The following WDR72 variants were observed in gnomAD, a reference collection of about 807,000 sequenced individuals.
The protein encoded by WDR72 is WD repeat-containing protein 72.
In WDR72, 120 loss-of-function variants were observed where a neutral mutation model predicts 124.2. The observed-to-expected ratio is 0.97, with a 90% confidence interval of 0.83 to 1.12. The LOEUF is 1.12. Among genes scored for constraint, WDR72 ranks in the 50% most tolerant of loss-of-function variants. The pLI is 0.00. For synonymous variants in WDR72, 452 were observed against 441.7 expected (o/e 1.02, Z -0.29); for missense variants, 1,387 against 1,278.8 (o/e 1.08, Z -1.29).
At chr15:53,527,313 T>C (rs1261220458) in intron 18 of WDR72, among the ~76,000 whole-genome samples, 1 of 152,020 alleles carries the variant, frequency 6.6e-6, no homozygotes, top group Admixed American at 6.6e-5. Context: ...CCGTTCTTCC[T>C]TTTCTCCTCA....
rs144139137 is a variant in WDR72, at chr15:53,703,699, C to T, written c.1348+1289G>A. ...CTGTGCTAGGGGGTTACTCTTCCCA[C>T]TAACCACACTGCTTCTTCCTTCATC... On this transcript the variant is annotated intron_variant, in intron 11 of 19. Coordinates refer to ENST00000360509, the MANE Select transcript of WDR72 (RefSeq NM_182758.4). Among the ~76,000 whole-genome samples, 1,174 of 152,204 alleles carry T rather than the reference C, an allele frequency of 7.7e-3. 8 individuals carry two copies. The highest frequency in any genetic ancestry group is 0.012 in the Non-Finnish European group (833 of 68,020).
intron 14 of WDR72, among the ~76,000 whole-genome samples, chr15:53,641,258 T>A (rs987441208): frequency 1.3e-5 from 2 of 152,072 alleles, no homozygotes; most frequent in Admixed American, 6.6e-5. Flanking sequence ...AAGAGTAGGT[T>A]ATGATATGCT....
chr15:53,711,196 C>G (rs762122917), intron 8 of WDR72, 140 bp downstream of exon 8: 1 of 1,238,072 alleles, frequency 8.1e-7, no homozygotes, highest in Non-Finnish European at 1.2e-6. Flanking sequence ...CCTACCAAGC[C>G]CAGAGTAAAT....
At chr15:53,619,356 T>C (rs2013896764) in intron 14 of WDR72, among the ~76,000 whole-genome samples, 1 of 151,604 alleles carries the variant, frequency 6.6e-6, no homozygotes, top group Non-Finnish European at 1.5e-5. Flanking sequence ...TAAGAGAGGA[T>C]TTTAGTTTGT....
chr15:53,728,170 G>A (rs2018097723), intron 2 of WDR72, among the ~76,000 whole-genome samples: 1 of 152,220 alleles, frequency 6.6e-6, no homozygotes, highest in Non-Finnish European at 1.5e-5. Context: ...CATGGTGGAA[G>A]GCAAGGAGGA....
intron 14 of WDR72, among the ~76,000 whole-genome samples, chr15:53,648,506 G>T (rs2015120160): frequency 6.6e-6 from 1 of 152,108 alleles, no homozygotes; most frequent in Non-Finnish European, 1.5e-5. Context: ...AAGAGGTCAG[G>T]AAAGGTATAG....
chr15:53,581,965 A>T (rs2011951930), intron 18 of WDR72, among the ~76,000 whole-genome samples: 1 of 152,168 alleles, frequency 6.6e-6, no homozygotes, highest in South Asian at 2.1e-4. Flanking sequence ...TGAGAAGACG[A>T]GGATTGGGCA....
intron 1 of WDR72, among the ~76,000 whole-genome samples, chr15:53,758,786 T>A (rs1050975718): frequency 8.7e-5 from 1 of 11,522 alleles, no homozygotes; most frequent in Non-Finnish European, 1.7e-4. Flanking sequence ...GGGGGGGCGG[T>A]GCGGGCGGGG....
At chr15:53,575,642 G>T (rs529027844) in intron 18 of WDR72, among the ~76,000 whole-genome samples, 1 of 152,152 alleles carries the variant, frequency 6.6e-6, no homozygotes, top group Admixed American at 6.5e-5. Flanking sequence ...CTGTAAAATG[G>T]AAATAACAGT....
chr15:53,528,478 G>A (rs1892247599), intron 18 of WDR72, among the ~76,000 whole-genome samples: 1 of 151,976 alleles, frequency 6.6e-6, no homozygotes, highest in Non-Finnish European at 1.5e-5. Context: ...AGACTTATGT[G>A]TTTTGCCATC....
At chr15:53,570,417 A>T (rs1894476218) in intron 18 of WDR72, among the ~76,000 whole-genome samples, 1 of 152,098 alleles carries the variant, frequency 6.6e-6, no homozygotes, top group Admixed American at 6.6e-5. Context: ...GCCATTCAAA[A>T]GTGGGCAAAG....
chr15:53,687,380 A>G (rs958481117), intron 13 of WDR72, among the ~76,000 whole-genome samples: 2 of 150,262 alleles, frequency 1.3e-5, no homozygotes, highest in African/African-American at 4.9e-5. Flanking sequence ...TAAAGGGGAT[A>G]TCACCACCAA....
chr15:53,580,956 A>AAAAT, intron 18 of WDR72, among the ~76,000 whole-genome samples: 1 of 151,528 alleles, frequency 6.6e-6, no homozygotes, highest in South Asian at 2.1e-4. Flanking sequence ...AAAGATAGTT[A>AAAAT]TAATTATTTG....
chr15:53,649,591 A>G (rs2015160104), intron 14 of WDR72, among the ~76,000 whole-genome samples: 1 of 152,076 alleles, frequency 6.6e-6, no homozygotes, highest in Admixed American at 6.6e-5. Context: ...TCTATAGCAA[A>G]AAACCCTAAT....
intron 18 of WDR72, among the ~76,000 whole-genome samples, chr15:53,587,373 A>G (rs1217531622): frequency 1.3e-5 from 2 of 151,986 alleles, no homozygotes; most frequent in East Asian, 3.9e-4. Flanking sequence ...AGATACCCAC[A>G]TCACTGACAG....
chr15:53,629,151 C>T (rs1015717507), intron 14 of WDR72, among the ~76,000 whole-genome samples: 6 of 151,388 alleles, frequency 4.0e-5, no homozygotes, highest in Non-Finnish European at 8.8e-5. Flanking sequence ...CAGACACCTA[C>T]CTAAAACCAA....
At chr15:53,597,333 T>A in intron 17 of WDR72, 59 bp from the exon 18 acceptor site, 1 of 1,559,430 alleles carries the variant, frequency 6.4e-7, no homozygotes, top group East Asian at 2.3e-5. Context: ...CTTGGGTATG[T>A]TGCAAAAAAT....
At chr15:53,706,572 A>G (rs1437378293) in intron 9 of WDR72, among the ~76,000 whole-genome samples, 1 of 151,584 alleles carries the variant, frequency 6.6e-6, no homozygotes, top group African/African-American at 2.4e-5. Flanking sequence ...GAGTCCAGTC[A>G]TTGTGATTCA....
intron 18 of WDR72, among the ~76,000 whole-genome samples, chr15:53,543,586 T>C (rs966348565): frequency 2.7e-5 from 4 of 150,028 alleles, no homozygotes; most frequent in Non-Finnish European, 4.4e-5. Flanking sequence ...TTAAAAGAAC[T>C]AGAAAAGCAA....
Sources: gnomAD v4.1 joint callset for allele counts (sites outside exome capture counted in the v4.1 genomes callset) on GRCh38, gnomAD v4.1.1 for gene constraint, MANE v1.5 for transcripts, NCBI Gene and HGNC (gene_info 2026-07-23, HGNC 2026-07-21) for gene names.